Variants in ANTXR1 observed in about 807,000 individuals in gnomAD.
ANTXR1 encodes the protein anthrax toxin receptor 1.
A neutral mutation model predicts 78.1 loss-of-function variants in ANTXR1; 19 were observed. The ratio of observed to expected loss-of-function variants is 0.24; its 90% confidence interval spans 0.17 to 0.36. The LOEUF is 0.36. Ranked by LOEUF, ANTXR1 falls within the 10% of genes least tolerant of loss-of-function variation. ANTXR1 has a pLI of 1.00. For missense variants in ANTXR1, 518 were observed against 718.6 expected, an observed-to-expected ratio of 0.72 and a Z score of 3.19; for synonymous variants, 273 against 260.5, an observed-to-expected ratio of 1.05 and a Z score of -0.46.
intron 17 of ANTXR1, among the ~76,000 whole-genome samples, chr2:69,235,083 G>A (rs1675722186): frequency 6.9e-6 from 1 of 145,264 alleles, no homozygotes; most frequent in African/African-American, 2.6e-5. Flanking sequence ...GAGTGCAATG[G>A]CACAATCTTG....
At chr2:69,122,755 C>T (rs1672392591) in intron 10 of ANTXR1, among the ~76,000 whole-genome samples, 1 of 152,148 alleles carries the variant, frequency 6.6e-6, no homozygotes, top group Admixed American at 6.5e-5. Context: ...TCCTCCCACC[C>T]CACAACAGTC....
chr2:69,095,581 A>G lies in ANTXR1; in HGVS notation c.703+4662A>G, dbSNP rs56693379. The stretch of plus-strand genomic sequence containing the variant: ...GATTCCCATGCAGAAAGAAATTATT[A>G]GGCTTATTATGTATAGCTCCAGGAG... On this transcript the variant is annotated intron_variant, in intron 9 of 17. Transcript: ENST00000303714. Among the ~76,000 whole-genome samples, 1,023 of 152,314 alleles carry G rather than the reference A, an allele frequency of 6.7e-3. 14 individuals carry two copies. The highest frequency in any genetic ancestry group is 0.023 in the African/African-American group (971 of 41,570).
intron 10 of ANTXR1, among the ~76,000 whole-genome samples, chr2:69,107,176 A>G (rs1273829453): frequency 6.6e-6 from 1 of 152,148 alleles, no homozygotes; most frequent in Non-Finnish European, 1.5e-5. Context: ...TCAAGTTTTA[A>G]GGGACAAATG....
Position 69,023,141 on chromosome 2 carries a change from C to T in ANTXR1, c.152+9490C>T, listed in dbSNP as rs148799079. On this transcript the variant is annotated intron_variant, in intron 1 of 17. Transcript: ENST00000303714. Reference sequence around the variant, plus strand: ...TTGTGACCTTGGGCAAATTATTTAGCCTCTCCGAACTTCAGTATTGTTAAT... The same window carrying T: ...TTGTGACCTTGGGCAAATTATTTAGTCTCTCCGAACTTCAGTATTGTTAAT... Among the ~76,000 whole-genome samples, 620 of 152,332 alleles carry T rather than the reference C, an allele frequency of 4.1e-3. 3 individuals carry two copies. The highest frequency in any genetic ancestry group is 7.2e-3 in the Non-Finnish European group (493 of 68,028).
intron 14 of ANTXR1, among the ~76,000 whole-genome samples, chr2:69,177,023 CCATGCACAGTATA>C (rs1674141187): frequency 2.0e-5 from 3 of 152,144 alleles, no homozygotes. Flanking sequence ...TGGAGTTGTC[CCATGCACAGTATA>C]CATGCAGGAG....
intron 17 of ANTXR1, among the ~76,000 whole-genome samples, chr2:69,239,600 C>T (rs573151731): frequency 1.3e-5 from 2 of 152,216 alleles, no homozygotes; most frequent in Admixed American, 6.5e-5. Context: ...CTGAAAGGCC[C>T]TTGAACGTCA....
At chr2:69,178,323 G>A (rs1358780093) in intron 14 of ANTXR1, among the ~76,000 whole-genome samples, 2 of 152,240 alleles carry the variant, frequency 1.3e-5, no homozygotes, top group Non-Finnish European at 1.5e-5. Flanking sequence ...CCGTCCGTCA[G>A]CCCCTGGGCC....
At chr2:69,051,197 G>C (rs1669921717) in intron 3 of ANTXR1, among the ~76,000 whole-genome samples, 1 of 151,910 alleles carries the variant, frequency 6.6e-6, no homozygotes, top group Non-Finnish European at 1.5e-5. Flanking sequence ...AGAATTTCTT[G>C]AACCTGGGAG....
At position 69,189,673 on chromosome 2, in the gene ANTXR1, A is replaced by G. The variant is rs1192442305; in HGVS notation, c.1354-3662A>G. Among the ~76,000 whole-genome samples, 3 of 152,182 alleles carry G rather than the reference A, an allele frequency of 2.0e-5. No individual in the cohort carries two copies. The East Asian group carries it at 5.8e-4, about 29-fold the overall frequency. On this transcript the variant is annotated intron_variant, in intron 16 of 17. Coordinates refer to ENST00000303714, the MANE Select transcript of ANTXR1 (RefSeq NM_032208.3). ...GGTGGATGGGAAGAGGCGGCAGCAGAGCTGCTACAGAGAGAACATTAACGA... is the reference window on the plus strand; with the variant it reads ...GGTGGATGGGAAGAGGCGGCAGCAGGGCTGCTACAGAGAGAACATTAACGA...
intron 3 of ANTXR1, among the ~76,000 whole-genome samples, chr2:69,067,002 A>G (rs1383742227): frequency 6.6e-6 from 1 of 152,034 alleles, no homozygotes. Flanking sequence ...CTTTCTCCCA[A>G]TCTCCTTCAG....
At chr2:69,077,246 T>A (rs760622486) in intron 7 of ANTXR1, 162 bp from the exon 8 acceptor site, 2 of 706,286 alleles carry the variant, frequency 2.8e-6, no homozygotes, top group Non-Finnish European at 5.0e-6. Context: ...AGCTTGTTAT[T>A]ACTGATGGCT....
intron 11 of ANTXR1, 79 bp downstream of exon 11, chr2:69,123,165 A>C (rs747293929): frequency 3.4e-6 from 5 of 1,474,700 alleles, no homozygotes; most frequent in Non-Finnish European, 4.7e-6. Flanking sequence ...AAAAGAAAGC[A>C]TCTAGAGAAA....
chr2:69,125,765 C>T (rs530199405), intron 12 of ANTXR1, among the ~76,000 whole-genome samples: 7 of 152,018 alleles, frequency 4.6e-5, no homozygotes, highest in African/African-American at 1.7e-4. Context: ...GGCTTGAGCC[C>T]GAGAGGTGGA....
rs563168092 is a variant in ANTXR1 at position 69,092,139 on chromosome 2, T to C, written c.703+1220T>C. On this transcript the variant is annotated intron_variant, in intron 9 of 17. Transcript: ENST00000303714. ...GCCTGCCAAAATACAGTGCCAGTTA[T>C]TAATTTACCAACAGAAAATATGTCA... 2.4e-4 allele frequency among the ~76,000 whole-genome samples: 36 copies of C among 152,340 alleles called. 1 individual carries two copies. In the East Asian group the frequency reaches 6.9e-3, roughly 29 times the overall value.
chr2:69,060,252 G>T (rs1558502579), intron 3 of ANTXR1, among the ~76,000 whole-genome samples: 1 of 152,112 alleles, frequency 6.6e-6, no homozygotes, highest in Non-Finnish European at 1.5e-5. Context: ...GAAGAAATCT[G>T]GTAGATCTTA....
chr2:69,175,800 G>A (rs904849157), intron 14 of ANTXR1, among the ~76,000 whole-genome samples: 2 of 152,100 alleles, frequency 1.3e-5, no homozygotes, highest in Admixed American at 6.6e-5. Context: ...GTGAACAATA[G>A]GCACCTGGCT....
chr2:69,131,947 T>C (rs984546284), intron 12 of ANTXR1, among the ~76,000 whole-genome samples: 1 of 152,264 alleles, frequency 6.6e-6, no homozygotes, highest in African/African-American at 2.4e-5. Flanking sequence ...AAGCACCAGC[T>C]CCAGTAGGAG....
intron 3 of ANTXR1, among the ~76,000 whole-genome samples, chr2:69,067,266 A>T (rs1053118662): frequency 1.3e-4 from 19 of 151,734 alleles, no homozygotes; most frequent in African/African-American, 4.4e-4. Flanking sequence ...AGCATCAAGG[A>T]TAAGGACATT....
At chr2:69,021,757 A>T (rs987488717) in intron 1 of ANTXR1, among the ~76,000 whole-genome samples, 7 of 152,250 alleles carry the variant, frequency 4.6e-5, no homozygotes, top group Admixed American at 2.6e-4. Flanking sequence ...ACGTATAATT[A>T]TAGCTTGCTT....
Sources: gnomAD v4.1 joint callset for allele counts (sites outside exome capture counted in the v4.1 genomes callset) on GRCh38, gnomAD v4.1.1 for gene constraint, MANE v1.5 for transcripts, NCBI Gene and HGNC (gene_info 2026-07-23, HGNC 2026-07-21) for gene names.